The following ZFR variants were observed in gnomAD, a reference collection of about 807,000 sequenced individuals.
ZFR encodes the protein zinc finger RNA-binding protein.
A neutral mutation model predicts 130.7 loss-of-function variants in ZFR; 19 were observed. That is an observed-to-expected ratio of 0.15 (90% CI 0.10 to 0.21). The LOEUF (loss-of-function observed/expected upper bound fraction) is 0.21. ZFR is among the 10% of genes least tolerant of loss of function. ZFR has a pLI of 1.00. For synonymous variants in ZFR, 466 were observed against 456.9 expected (o/e 1.02, Z -0.25); for missense variants, 872 against 1,321.5 (o/e 0.66, Z 5.27).
chr5:32,415,509 T>TGTGG (rs1753802134), intron 4 of ZFR, among the ~76,000 whole-genome samples: 1 of 93,880 alleles, frequency 1.1e-5, no homozygotes, highest in African/African-American at 5.1e-5. Flanking sequence ...TGTGTGTGTG[T>TGTGG]GTGTGTGCGC....
intron 2 of ZFR, 136 bp downstream of exon 2, chr5:32,444,093 C>CGGGCT (rs1056393341): frequency 3.7e-6 from 3 of 802,048 alleles, no homozygotes; most frequent in East Asian, 9.2e-5. Context: ...GAGAGGCCGC[C>CGGGCT]GGGCTGGGCC....
intron 15 of ZFR, among the ~76,000 whole-genome samples, chr5:32,384,203 A>G (rs1752988669): frequency 6.6e-6 from 1 of 152,160 alleles, no homozygotes; most frequent in Admixed American, 6.5e-5. Context: ...AATGTATCAT[A>G]TTAGTTTTAT....
At chr5:32,427,518 A>G (rs977902478) in intron 2 of ZFR, among the ~76,000 whole-genome samples, 7 of 152,298 alleles carry the variant, frequency 4.6e-5, no homozygotes, top group African/African-American at 1.7e-4. Flanking sequence ...AAGACATCCC[A>G]TGTTCACGGA....
At chr5:32,436,621 A>G (rs1754342572) in intron 2 of ZFR, among the ~76,000 whole-genome samples, 1 of 152,168 alleles carries the variant, frequency 6.6e-6, no homozygotes, top group Admixed American at 6.5e-5. Flanking sequence ...TGTTCTGAAC[A>G]CTTCACAAAT....
At chr5:32,395,961 C>A (rs1753297717) in intron 10 of ZFR, among the ~76,000 whole-genome samples, 1 of 152,112 alleles carries the variant, frequency 6.6e-6, no homozygotes, top group African/African-American at 2.4e-5. Context: ...TTATAAGCAG[C>A]CTGGAGTCCC....
chr5:32,401,228 G>C (rs1298004476), intron 8 of ZFR, among the ~76,000 whole-genome samples: 2 of 152,146 alleles, frequency 1.3e-5, no homozygotes, highest in African/African-American at 4.8e-5. Context: ...CAACAATCTG[G>C]ATACGGCGCT....
At chr5:32,424,532 C>CAAAAAA (rs575935210) in intron 2 of ZFR, among the ~76,000 whole-genome samples, 1 of 62,626 alleles carries the variant, frequency 1.6e-5, no homozygotes. Flanking sequence ...GACTCCGTCT[C>CAAAAAA]AAAAAAAAAA....
intron 5 of ZFR, 25 bp downstream of exon 5, chr5:32,414,944 T>G (rs749215588): frequency 1.3e-6 from 2 of 1,591,126 alleles, no homozygotes; most frequent in Non-Finnish European, 1.7e-6. Flanking sequence ...TGTTTACTCA[T>G]TTAAACACAG....
chr5:32,367,059 T>C (rs1752563090), intron 17 of ZFR, among the ~76,000 whole-genome samples: 1 of 151,980 alleles, frequency 6.6e-6, no homozygotes, highest in Non-Finnish European at 1.5e-5. Flanking sequence ...CACTCCACTG[T>C]AATATTTGCT....
chr5:32,381,917 C>A (rs1752944110), intron 15 of ZFR, among the ~76,000 whole-genome samples: 1 of 152,032 alleles, frequency 6.6e-6, no homozygotes, highest in Admixed American at 6.6e-5. Flanking sequence ...ACTATTGAAC[C>A]TAGAAATAAC....
intron 17 of ZFR, among the ~76,000 whole-genome samples, chr5:32,366,680 G>A (rs375403771): frequency 3.3e-5 from 5 of 152,052 alleles, no homozygotes; most frequent in African/African-American, 1.2e-4. Flanking sequence ...TAATTCAAAA[G>A]TAAAAAGATA....
chr5:32,372,181 C>T (rs2111685287), intron 17 of ZFR, among the ~76,000 whole-genome samples: 1 of 152,308 alleles, frequency 6.6e-6, no homozygotes, highest in East Asian at 1.9e-4. Flanking sequence ...ATCCTCCAAT[C>T]ATATCTCACA....
chr5:32,366,097 A>C (rs898202511), intron 17 of ZFR, among the ~76,000 whole-genome samples: 1 of 152,208 alleles, frequency 6.6e-6, no homozygotes, highest in Admixed American at 6.5e-5. Context: ...TGCCTAGTAC[A>C]AGTAGCCAGA....
intron 19 of ZFR, among the ~76,000 whole-genome samples, chr5:32,360,079 G>A (rs1752398882): frequency 6.6e-6 from 1 of 152,046 alleles, no homozygotes; most frequent in Admixed American, 6.6e-5. Flanking sequence ...CTTGAAACTA[G>A]GGGGACTTCA....
At chr5:32,400,263 T>G (rs1429032162) in intron 8 of ZFR, 60 bp from the exon 9 acceptor site, 2 of 1,252,682 alleles carry the variant, frequency 1.6e-6, no homozygotes, top group East Asian at 5.5e-5. Context: ...ATATACCTGA[T>G]AAGACGAAAA....
At chr5:32,396,966 G>A (rs1295673981) in intron 10 of ZFR, among the ~76,000 whole-genome samples, 1 of 152,144 alleles carries the variant, frequency 6.6e-6, no homozygotes, top group Non-Finnish European at 1.5e-5. Context: ...ATGATTGCTT[G>A]GTCCAGGCAA....
At chr5:32,415,483 GGA>G (rs1380762685) in intron 4 of ZFR, among the ~76,000 whole-genome samples, 1 of 68,180 alleles carries the variant, frequency 1.5e-5, no homozygotes, top group Non-Finnish European at 2.8e-5. Context: ...TTTCTGAAAA[GGA>G]GTGTGTGTGT....
intron 9 of ZFR, 62 bp downstream of exon 9, chr5:32,399,945 G>A: frequency 7.2e-7 from 1 of 1,379,688 alleles, no homozygotes; most frequent in Non-Finnish European, 9.8e-7. Context: ...CGTAACATAT[G>A]CTCGTAATGC....
chr5:32,444,451 G>A, intron 1 of ZFR, 123 bp from the exon 2 acceptor site: 8 of 1,290,050 alleles, frequency 6.2e-6, no homozygotes, highest in Non-Finnish European at 8.2e-6. Context: ...GCGGGGCCCA[G>A]GCCGCGGCCG....
Sources: allele counts gnomAD v4.1 joint callset (sites outside exome capture counted in the v4.1 genomes callset), GRCh38; gene constraint gnomAD v4.1.1; transcripts MANE v1.5; gene names NCBI Gene and HGNC (gene_info 2026-07-23, HGNC 2026-07-21).